The following PALM2AKAP2 variants were observed in gnomAD, a reference collection of about 807,000 sequenced individuals.
PALM2AKAP2 encodes the protein PALM2 and AKAP2 fusion.
In PALM2AKAP2, 37 loss-of-function variants were observed where a neutral mutation model predicts 71.5. The ratio of observed to expected loss-of-function variants is 0.52; its 90% CI spans 0.40 to 0.68. The LOEUF is 0.68. Among genes scored for constraint, PALM2AKAP2 ranks in the 30% least tolerant of loss-of-function variants. PALM2AKAP2 has a pLI of 0.00. For synonymous variants in PALM2AKAP2, 468 were observed against 478.8 expected (o/e 0.98, Z 0.29); for missense variants, 1,224 against 1,191.8 (o/e 1.03, Z -0.40).
intron 6 of PALM2AKAP2, among the ~76,000 whole-genome samples, chr9:109,971,398 C>T (rs1472741595): frequency 6.8e-6 from 1 of 147,500 alleles, no homozygotes; most frequent in African/African-American, 2.5e-5. Context: ...GCTTTTGTCT[C>T]CAGTGCCCCA....
rs10571516 is a variant in PALM2AKAP2, at chr9:109,822,268, TATCCATCCATCCATCC to T, written c.45+41759_45+41774del. On this transcript the variant is annotated intron_variant, in intron 1 of 9. Coordinates refer to the PALM2AKAP2 transcript ENST00000302798. ...TCTCTTCCCATCTTCCCCATCCATC[TATCCATCCATCCATCC>T]ATCCATCCATCCATCCATCCATCTA... Among the ~76,000 whole-genome samples the T allele has an allele frequency of 1.5e-3, 226 of 150,292 alleles. 1 individual carries two copies. Among genetic ancestry groups the T allele is most frequent in the African/African-American group, 5.0e-3 (204 of 40,820 alleles).
chr9:109,877,710 A>G (rs1403018648), intron 2 of PALM2AKAP2, among the ~76,000 whole-genome samples: 1 of 152,210 alleles, frequency 6.6e-6, no homozygotes, highest in Admixed American at 6.5e-5. Flanking sequence ...TCCATTTTAC[A>G]GATGAGAAAA....
At chr9:109,862,452 T>G (rs570512854) in intron 1 of PALM2AKAP2, among the ~76,000 whole-genome samples, 1 of 152,314 alleles carries the variant, frequency 6.6e-6, no homozygotes, top group South Asian at 2.1e-4. Flanking sequence ...TTGGAAAAAT[T>G]GCTACTCAGA....
In PALM2AKAP2 at chr9:109,764,072, G is replaced by A. The variant is rs542957056; in HGVS notation, c.6-16416G>A. Among the ~76,000 whole-genome samples the A allele has an allele frequency of 6.6e-5, 10 of 152,268 alleles. 1 individual carries two copies. The highest frequency in any genetic ancestry group is 2.2e-4 in the African/African-American group (9 of 41,548). On this transcript the variant is annotated intron_variant, in intron 1 of 6. Transcript: ENST00000374531. ...TATTCACCCAGGTACAGTCATCATA[G>A]TTATTACTTTCAATTCAGGCTCCTA...
intron 6 of PALM2AKAP2, chr9:109,945,769 G>T (rs1215756320): frequency 2.0e-5 from 3 of 152,168 alleles, no homozygotes; most frequent in African/African-American, 7.2e-5. Flanking sequence ...AATCTTCCAG[G>T]ACAGATAATT....
chr9:109,788,620 A>C (rs1827027690), intron 1 of PALM2AKAP2, among the ~76,000 whole-genome samples: 1 of 152,236 alleles, frequency 6.6e-6, no homozygotes, highest in Admixed American at 6.5e-5. Flanking sequence ...GTAGGAGATC[A>C]ATAGTAAAGG....
intron 6 of PALM2AKAP2, among the ~76,000 whole-genome samples, chr9:109,961,628 G>A (rs1212683363): frequency 6.6e-6 from 1 of 152,150 alleles, no homozygotes; most frequent in Non-Finnish European, 1.5e-5. Context: ...GTGACCTCTG[G>A]CATGGAGATG....
chr9:109,828,292 A>G (rs914749554), intron 1 of PALM2AKAP2, among the ~76,000 whole-genome samples: 4 of 152,046 alleles, frequency 2.6e-5, no homozygotes, highest in African/African-American at 9.7e-5. Flanking sequence ...TAATAAGGAG[A>G]TGTATCATCC....
chr9:109,937,993 T>C (rs551383387), intron 6 of PALM2AKAP2, among the ~76,000 whole-genome samples: 6 of 152,234 alleles, frequency 3.9e-5, no homozygotes, highest in Admixed American at 6.5e-5. Context: ...GGTTAGAGAG[T>C]ATGCTCTGTG....
chr9:109,809,789 T>C (rs1013875473), intron 1 of PALM2AKAP2, among the ~76,000 whole-genome samples: 6 of 152,176 alleles, frequency 3.9e-5, no homozygotes, highest in African/African-American at 1.4e-4. Flanking sequence ...ATGTGGGAGA[T>C]GACTGAATCA....
chr9:110,103,518 T>C (rs1835048571), intron 1 of PALM2AKAP2, among the ~76,000 whole-genome samples: 1 of 152,234 alleles, frequency 6.6e-6, no homozygotes, highest in Non-Finnish European at 1.5e-5. Flanking sequence ...TTAGTGTTAA[T>C]AGCCTGTGGA....
intron 1 of PALM2AKAP2, among the ~76,000 whole-genome samples, chr9:110,103,293 A>T (rs547090196): frequency 2.0e-5 from 3 of 152,368 alleles, no homozygotes; most frequent in Non-Finnish European, 4.4e-5. Context: ...CCTGAAGCAC[A>T]GTAGGTATTC....
At chr9:109,950,603 A>T (rs926738108) in intron 6 of PALM2AKAP2, among the ~76,000 whole-genome samples, 1 of 152,164 alleles carries the variant, frequency 6.6e-6, no homozygotes, top group Non-Finnish European at 1.5e-5. Context: ...CTTCCTCAGG[A>T]TGAGGCCTTT....
At chr9:109,889,075 TA>T (rs1482328394) in intron 3 of PALM2AKAP2, among the ~76,000 whole-genome samples, 2 of 152,184 alleles carry the variant, frequency 1.3e-5, no homozygotes, top group African/African-American at 4.8e-5. Context: ...TACAGAACCC[TA>T]AAAAGATTTA....
intron 6 of PALM2AKAP2, among the ~76,000 whole-genome samples, chr9:109,998,561 G>A (rs1832617524): frequency 7.0e-6 from 1 of 142,764 alleles, no homozygotes; most frequent in South Asian, 2.2e-4. Context: ...GTCATCATCT[G>A]GGATCTTATT....
chr9:109,654,142 A>C (rs762401570), intron 1 of PALM2AKAP2, among the ~76,000 whole-genome samples: 3 of 152,210 alleles, frequency 2.0e-5, no homozygotes, highest in African/African-American at 4.8e-5. Flanking sequence ...AAAAGTAGTG[A>C]ATCTAATTGT....
chr9:109,763,119 C>T (rs17202567), intron 1 of PALM2AKAP2, among the ~76,000 whole-genome samples: 5,421 of 152,042 alleles, frequency 0.036, 228 homozygotes, highest in East Asian at 0.23. Flanking sequence ...GAAGCAGGTC[C>T]CAAAAGCAGG....
exon 4 of PALM2AKAP2, chr9:110,171,786 G>T (rs1181327875): frequency 6.6e-6 from 1 of 152,568 alleles, no homozygotes; most frequent in Non-Finnish European, 1.5e-5. Context: ...AGATTCTGTA[G>T]GTGTTAAAAG....
At chr9:109,794,618 A>G (rs1827201239) in intron 1 of PALM2AKAP2, among the ~76,000 whole-genome samples, 1 of 152,198 alleles carries the variant, frequency 6.6e-6, no homozygotes. Flanking sequence ...TGATTTACAA[A>G]TAGAGTGGCC....
Sources: allele counts gnomAD v4.1 joint callset (sites outside exome capture counted in the v4.1 genomes callset), GRCh38; gene constraint gnomAD v4.1.1; transcripts MANE v1.5; gene names NCBI Gene and HGNC (gene_info 2026-07-23, HGNC 2026-07-21).